The following ATAD2B variants were observed in gnomAD, a reference collection of about 807,000 sequenced individuals.
ATAD2B encodes ATPase family AAA domain containing 2B, also known as ATPase family AAA domain-containing protein 2B.
ATAD2B carries 40 observed loss-of-function variants against 167.6 expected under a neutral mutation model. The ratio of observed to expected loss-of-function variants is 0.24; its 90% CI spans 0.19 to 0.31. The LOEUF (loss-of-function observed/expected upper bound fraction) is 0.31. ATAD2B is among the 10% of genes least tolerant of loss of function. ATAD2B has a pLI of 1.00. For synonymous variants in ATAD2B, 579 were observed against 596.5 expected (o/e 0.97, Z 0.43); for missense variants, 1,242 against 1,757.2 (o/e 0.71, Z 5.24).
At chr2:23,810,538 A>T (rs1330671908) in intron 17 of ATAD2B, 36 bp from the exon 18 acceptor site, 17 of 1,533,952 alleles carry the variant, frequency 1.1e-5, no homozygotes, top group Non-Finnish European at 1.5e-5. Context: ...TTTCAAAGGC[A>T]TACATTCTGA....
intron 25 of ATAD2B, chr2:23,755,166 T>TTTTTC: frequency 6.6e-6 from 1 of 151,580 alleles, no homozygotes; most frequent in Non-Finnish European, 1.5e-5. Flanking sequence ...AAGCAGATAC[T>TTTTTC]AACAAAAGTG....
chr2:23,705,885 G>C, the ATAD2B span, among the ~76,000 whole-genome samples: 1 of 152,164 alleles, frequency 6.6e-6, no homozygotes, highest in African/African-American at 2.4e-5. Context: ...GAGAGGAGCT[G>C]ACTGAGACAA....
At chr2:23,888,251 T>G (rs1573269501) in intron 3 of ATAD2B, 99 bp downstream of exon 3, 1 of 860,478 alleles carries the variant, frequency 1.2e-6, no homozygotes, top group South Asian at 1.7e-5. Flanking sequence ...AACTGTATGC[T>G]CAGCACACTA....
At chr2:23,888,088 A>AAAAGT in intron 3 of ATAD2B, 103 bp from the exon 4 acceptor site, 1 of 1,011,612 alleles carries the variant, frequency 9.9e-7, no homozygotes, top group Non-Finnish European at 1.4e-6. Flanking sequence ...AAAAAATTTA[A>AAAAGT]TATAACTTTT....
intron 27 of ATAD2B, among the ~76,000 whole-genome samples, chr2:23,753,892 G>A (rs1675647981): frequency 6.6e-6 from 1 of 152,006 alleles, no homozygotes; most frequent in Non-Finnish European, 1.5e-5. Flanking sequence ...AGTAGGGAGA[G>A]AATTGTGACA....
intron 25 of ATAD2B, chr2:23,755,049 C>T: frequency 4.4e-6 from 1 of 227,722 alleles, no homozygotes; most frequent in Non-Finnish European, 8.7e-6. Flanking sequence ...AAGATAAAAG[C>T]AATCTTCACC....
At chr2:23,900,117 T>C (rs1207550378) in intron 1 of ATAD2B, among the ~76,000 whole-genome samples, 2 of 150,016 alleles carry the variant, frequency 1.3e-5, no homozygotes, top group Non-Finnish European at 1.5e-5. Flanking sequence ...AGCGTTTCAC[T>C]GTGTTGGCCA....
At chr2:23,875,685 C>A (rs867434903) in intron 8 of ATAD2B, 144 bp downstream of exon 8, 3 of 664,262 alleles carry the variant, frequency 4.5e-6, no homozygotes, top group Middle Eastern at 3.6e-4. Flanking sequence ...ACTGTTAAAA[C>A]AACAAATATT....
chr2:23,709,052 TTTA>T, the ATAD2B span, among the ~76,000 whole-genome samples: 1 of 152,094 alleles, frequency 6.6e-6, no homozygotes, highest in African/African-American at 2.4e-5. Context: ...TTTTTTCTTT[TTTA>T]TTGAGATGGA....
rs1348819167 is a variant in ATAD2B at position 23,903,962 on chromosome 2, A to G, written c.217-7992T>C. On this transcript the variant is annotated intron_variant, in intron 1 of 27. Transcript: ENST00000238789. The stretch of plus-strand genomic sequence containing the variant: ...TGTTGGTGGTGGTGGTGGTGGTGGT[A>G]GTGGTGATGGTGGTGTGGGGAGCCA... 5.4e-5 allele frequency among the ~76,000 whole-genome samples: 8 copies of G among 148,942 alleles called. 1 individual carries two copies. Among genetic ancestry groups the G allele is most frequent in the African/African-American group, 9.7e-5 (4 of 41,042 alleles).
chr2:23,761,874 A>T (rs1676785135), intron 24 of ATAD2B, among the ~76,000 whole-genome samples: 1 of 152,186 alleles, frequency 6.6e-6, no homozygotes, highest in Non-Finnish European at 1.5e-5. Context: ...AACATCCTGC[A>T]TAGTGTACAA....
chr2:23,803,383 G>C (rs1332104501), intron 18 of ATAD2B, among the ~76,000 whole-genome samples: 1 of 152,080 alleles, frequency 6.6e-6, no homozygotes, highest in Non-Finnish European at 1.5e-5. Flanking sequence ...CTAATGTCTA[G>C]TGACCAGCTA....
chr2:23,679,019 G>A, the ATAD2B span, among the ~76,000 whole-genome samples: 1 of 149,608 alleles, frequency 6.7e-6, no homozygotes, highest in East Asian at 2.0e-4. Context: ...AACTGAACTG[G>A]ACACTTTAAA....
the ATAD2B span, among the ~76,000 whole-genome samples, chr2:23,732,397 A>T: frequency 6.6e-6 from 1 of 152,242 alleles, no homozygotes; most frequent in Admixed American, 6.5e-5. Flanking sequence ...AAAAGTCATT[A>T]CCATAAATGT....
chr2:23,692,797 T>G, the ATAD2B span, among the ~76,000 whole-genome samples: 1 of 151,194 alleles, frequency 6.6e-6, no homozygotes, highest in Non-Finnish European at 1.5e-5. Flanking sequence ...GCGAGCCAGA[T>G]TGAGTGGGGC....
At chr2:23,909,683 A>G (rs1175975375) in intron 1 of ATAD2B, among the ~76,000 whole-genome samples, 2 of 152,026 alleles carry the variant, frequency 1.3e-5, no homozygotes, top group East Asian at 1.9e-4. Context: ...GGGAGCAGGG[A>G]AAAAGGCCCT....
At chr2:23,792,702 C>A (rs939825313) in intron 19 of ATAD2B, among the ~76,000 whole-genome samples, 11 of 151,906 alleles carry the variant, frequency 7.2e-5, no homozygotes, top group Non-Finnish European at 7.4e-5. Flanking sequence ...GTGGCTCACA[C>A]CTGTAATCCC....
intron 22 of ATAD2B, among the ~76,000 whole-genome samples, chr2:23,782,305 C>T (rs1680183470): frequency 1.3e-5 from 2 of 152,220 alleles, no homozygotes; most frequent in Admixed American, 1.3e-4. Flanking sequence ...ACATATTCTT[C>T]CTCAGTATAA....
At chr2:23,759,558 A>G (rs1489977357) in intron 24 of ATAD2B, among the ~76,000 whole-genome samples, 1 of 152,178 alleles carries the variant, frequency 6.6e-6, no homozygotes, top group South Asian at 2.1e-4. Context: ...TTAGTTATAA[A>G]TATTACTCTT....
Sources: allele counts gnomAD v4.1 joint callset (sites outside exome capture counted in the v4.1 genomes callset), GRCh38; gene constraint gnomAD v4.1.1; transcripts MANE v1.5; gene names NCBI Gene and HGNC (gene_info 2026-07-23, HGNC 2026-07-21).